MSRA: variants seen among roughly 807,000 people sequenced by gnomAD.
MSRA encodes the protein methionine sulfoxide reductase A.
A neutral mutation model predicts 31.3 loss-of-function variants in MSRA; 54 were observed. The ratio of observed to expected loss-of-function variants is 1.73; its 90% CI spans 1.39 to 2.17. MSRA has a LOEUF of 2.17. Ranked by LOEUF, MSRA falls within the 30% of genes most tolerant of loss-of-function variation. MSRA has a pLI of 0.00. For missense variants in MSRA, 507 were observed against 300.9 expected, an observed-to-expected ratio of 1.69 and a Z score of -5.07; for synonymous variants, 169 against 116.5, an observed-to-expected ratio of 1.45 and a Z score of -2.90.
chr8:10,261,594 A>G (rs1301202295), intron 3 of MSRA, among the ~76,000 whole-genome samples: 1 of 152,262 alleles, frequency 6.6e-6, no homozygotes, highest in African/African-American at 2.4e-5. Context: ...CAGAAAAAGT[A>G]AGCAGGAAGT....
chr8:10,106,183 A>G (rs926880053), intron 1 of MSRA, among the ~76,000 whole-genome samples: 1 of 152,200 alleles, frequency 6.6e-6, no homozygotes, highest in Non-Finnish European at 1.5e-5. Context: ...CGTGGAAGTC[A>G]GACCTTGAGG....
At chr8:10,093,718 A>T (rs77351010) in intron 1 of MSRA, among the ~76,000 whole-genome samples, 2 of 152,268 alleles carry the variant, frequency 1.3e-5, no homozygotes, top group East Asian at 3.9e-4. Flanking sequence ...ACTTACTCCT[A>T]TATTTCTTCA....
chr8:10,369,848 C>G (rs938243608), intron 5 of MSRA, among the ~76,000 whole-genome samples: 1 of 152,142 alleles, frequency 6.6e-6, no homozygotes, highest in Non-Finnish European at 1.5e-5. Flanking sequence ...TTCTAAGTTT[C>G]AAAGCACTAT....
intron 3 of MSRA, among the ~76,000 whole-genome samples, chr8:10,252,930 T>A (rs1797992646): frequency 6.6e-6 from 1 of 152,228 alleles, no homozygotes; most frequent in Admixed American, 6.5e-5. Context: ...CGAAATCATG[T>A]GGTCTCTCAT....
chr8:10,103,878 C>T (rs186563553), intron 1 of MSRA, among the ~76,000 whole-genome samples: 12 of 151,974 alleles, frequency 7.9e-5, no homozygotes, highest in Non-Finnish European at 7.4e-5. Context: ...TAACTAAAGC[C>T]TTACTCTCTC....
intron 4 of MSRA, among the ~76,000 whole-genome samples, chr8:10,313,826 A>C (rs1435136917): frequency 1.3e-5 from 2 of 152,264 alleles, no homozygotes; most frequent in African/African-American, 4.8e-5. Flanking sequence ...TATCTGATGT[A>C]GGGACAAATG....
At chr8:10,162,927 C>G (rs1204293358) in intron 1 of MSRA, among the ~76,000 whole-genome samples, 1 of 152,130 alleles carries the variant, frequency 6.6e-6, no homozygotes, top group Non-Finnish European at 1.5e-5. Context: ...CTCCTGTGGT[C>G]TTAAAGTTTG....
intron 1 of MSRA, among the ~76,000 whole-genome samples, chr8:10,108,019 C>T (rs764077637): frequency 2.0e-5 from 3 of 152,084 alleles, no homozygotes; most frequent in African/African-American, 4.8e-5. Flanking sequence ...TTTTGTTGTC[C>T]TTGGTGGTGA....
At chr8:10,203,368 T>A (rs1224944142) in intron 1 of MSRA, among the ~76,000 whole-genome samples, 1 of 152,178 alleles carries the variant, frequency 6.6e-6, no homozygotes, top group Non-Finnish European at 1.5e-5. Context: ...CAATGATCAT[T>A]TTATGTAAGG....
At chr8:10,178,129 T>C (rs1377150669) in intron 1 of MSRA, among the ~76,000 whole-genome samples, 1 of 152,218 alleles carries the variant, frequency 6.6e-6, no homozygotes, top group Non-Finnish European at 1.5e-5. Flanking sequence ...AGAAATCTTA[T>C]TTGTAAAGAG....
intron 3 of MSRA, among the ~76,000 whole-genome samples, chr8:10,276,891 T>C (rs1452394685): frequency 1.3e-5 from 2 of 152,216 alleles, no homozygotes; most frequent in African/African-American, 4.8e-5. Flanking sequence ...AGGATCTTTT[T>C]TTCATCTGAA....
intron 1 of MSRA, among the ~76,000 whole-genome samples, chr8:10,204,192 A>C (rs924294654): frequency 2.6e-5 from 4 of 152,210 alleles, no homozygotes; most frequent in African/African-American, 9.6e-5. Flanking sequence ...AAAATAGTTT[A>C]AAAGTTTATA....
In MSRA at chr8:10,403,497, G is replaced by C. The variant is rs137960858; in HGVS notation, c.544-24651G>C. On this transcript the variant is annotated intron_variant, in intron 5 of 5. Transcript: ENST00000317173. ...GGCCCTGGCTGGGACTAGAGAGCCT[G>C]GGCGAGAGAATTGCCGCTGGGGCTC... Among the ~76,000 whole-genome samples the C allele has an allele frequency of 4.6e-3, 705 of 152,342 alleles. 5 individuals are homozygous for C. Among genetic ancestry groups the C allele is most frequent in the African/African-American group, 0.016 (672 of 41,580 alleles).
At position 10,217,807 on chromosome 8, in the gene MSRA, CCT is replaced by C. The variant is rs558163075; in HGVS notation, c.211+9907_211+9908del. 1.8e-3 allele frequency among the ~76,000 whole-genome samples: 281 copies of C among 152,206 alleles called. 2 individuals are homozygous for C. The highest frequency in any genetic ancestry group is 6.2e-3 in the African/African-American group (259 of 41,536). Reference sequence around the variant, plus strand: ...TCAAATCTCCAGTGAGTCCATTTCCCCTGTTGCCTCATAAATGTTTTTTAAAA... The same window carrying C: ...TCAAATCTCCAGTGAGTCCATTTCCCGTTGCCTCATAAATGTTTTTTAAAA... On this transcript the variant is annotated intron_variant, in intron 2 of 5. Coordinates refer to ENST00000317173, the MANE Select transcript of MSRA (RefSeq NM_012331.5).
At chr8:10,218,597 C>A (rs1473407074) in intron 2 of MSRA, among the ~76,000 whole-genome samples, 1 of 152,176 alleles carries the variant, frequency 6.6e-6, no homozygotes, top group Non-Finnish European at 1.5e-5. Context: ...TCTTTATCAA[C>A]TGTATGGTTA....
At chr8:10,359,209 C>G (rs1161038552) in intron 5 of MSRA, among the ~76,000 whole-genome samples, 1 of 152,168 alleles carries the variant, frequency 6.6e-6, no homozygotes, top group African/African-American at 2.4e-5. Flanking sequence ...GAGCAGACTC[C>G]TCTTCTCCAT....
intron 1 of MSRA, among the ~76,000 whole-genome samples, chr8:10,074,163 A>G (rs1797881240): frequency 7.4e-6 from 1 of 135,890 alleles, no homozygotes. Flanking sequence ...GCTCACTGCA[A>G]GCTCTGCCTC....
At chr8:10,154,167 A>G (rs1208242587) in intron 1 of MSRA, among the ~76,000 whole-genome samples, 1 of 152,150 alleles carries the variant, frequency 6.6e-6, no homozygotes, top group African/African-American at 2.4e-5. Context: ...TTGTTGAGGG[A>G]TGGGAATTTG....
intron 2 of MSRA, among the ~76,000 whole-genome samples, chr8:10,241,403 A>C (rs1812398974): frequency 2.0e-5 from 3 of 152,142 alleles, no homozygotes; most frequent in Admixed American, 2.0e-4. Flanking sequence ...GCAGTCATTG[A>C]AACGATCAAA....
Sources: allele counts gnomAD v4.1 joint callset (sites outside exome capture counted in the v4.1 genomes callset), GRCh38; gene constraint gnomAD v4.1.1; transcripts MANE v1.5; gene names NCBI Gene and HGNC (gene_info 2026-07-23, HGNC 2026-07-21).